The following LEMD3 variants were observed in gnomAD, a reference collection of about 807,000 sequenced individuals.
LEMD3 encodes the protein inner nuclear membrane protein Man1.
LEMD3 carries 33 observed loss-of-function variants against 95.2 expected under a neutral mutation model. The observed-to-expected ratio is 0.35, with a 90% CI of 0.26 to 0.46. The LOEUF (loss-of-function observed/expected upper bound fraction) is 0.46. LEMD3 is among the 20% of genes least tolerant of loss of function. The probability of loss-of-function intolerance (pLI) is 1.00; values close to 1 mark genes in which losing one functional copy is unlikely to be tolerated. For synonymous variants in LEMD3, 525 were observed against 474.6 expected (o/e 1.11, Z -1.38); for missense variants, 1,210 against 1,192.8 (o/e 1.01, Z -0.21).
chr12:65,213,451 T>G (rs894286568), intron 2 of LEMD3, among the ~76,000 whole-genome samples: 28 of 152,150 alleles, frequency 1.8e-4, no homozygotes, highest in African/African-American at 6.8e-4. Flanking sequence ...GGTCTCAAAT[T>G]CCTGAGCTCA....
chr12:65,181,351 C>T (rs1202452964), intron 1 of LEMD3, among the ~76,000 whole-genome samples: 2 of 152,118 alleles, frequency 1.3e-5, no homozygotes, highest in Non-Finnish European at 2.9e-5. Flanking sequence ...TTATTGAGCA[C>T]CTATACTATG....
chr12:65,203,270 G>A (rs985176669), intron 1 of LEMD3, among the ~76,000 whole-genome samples: 1 of 137,796 alleles, frequency 7.3e-6, no homozygotes, highest in African/African-American at 2.6e-5. Context: ...CATGCTTAGC[G>A]TTCCAATAAT....
At position 65,239,958 on chromosome 12, in the gene LEMD3, T is replaced by G. The variant is rs777566184; in HGVS notation, c.1951T>G (p.Tyr651Asp). The change falls in exon 7 of 13, where the codon TAC becomes GAC. Residue 651 changes from tyrosine to aspartate, a missense_variant. This residue lies in a region of LEMD3 where 461 missense variants were observed against 569.8 expected (regional missense o/e 0.81). Coordinates refer to ENST00000308330, the MANE Select transcript of LEMD3 (RefSeq NM_014319.5). Reference sequence around the variant, plus strand: ...AGTGATGGTTTGTGTCGTTCTGCGTTACATGAAATATCGATGGACAAAAGA... The same window carrying G: ...AGTGATGGTTTGTGTCGTTCTGCGTGACATGAAATATCGATGGACAAAAGA... ...GVVMVCVVLR[Y>D]MKYRWTKEEE... is the part of the protein sequence containing the mutation. 6.2e-7 allele frequency: 1 copy of G among 1,612,050 alleles called. No homozygotes were observed. Among genetic ancestry groups the G allele is most frequent in the Non-Finnish European group, 8.5e-7 (1 of 1,178,250 alleles).
intron 1 of LEMD3, among the ~76,000 whole-genome samples, chr12:65,185,889 A>AT (rs1869045744): frequency 6.6e-6 from 1 of 151,960 alleles, no homozygotes; most frequent in Non-Finnish European, 1.5e-5. Flanking sequence ...AGGCATTATA[A>AT]AAGACTTGGG....
chr12:65,213,587 CTTAAG>C (rs1266125627), intron 2 of LEMD3, among the ~76,000 whole-genome samples: 25 of 152,236 alleles, frequency 1.6e-4, no homozygotes, highest in Non-Finnish European at 2.2e-4. Context: ...TTTCTGAGTT[CTTAAG>C]TTATTTGTAT....
At chr12:65,193,637 G>T (rs1438025316) in intron 1 of LEMD3, among the ~76,000 whole-genome samples, 2 of 152,058 alleles carry the variant, frequency 1.3e-5, no homozygotes, top group African/African-American at 4.8e-5. Flanking sequence ...TGTTTACTGG[G>T]AGACTGCGGA....
At chr12:65,171,174 T>A in intron 1 of LEMD3, 56 bp downstream of exon 1, 1 of 1,600,242 alleles carries the variant, frequency 6.2e-7, no homozygotes, top group Non-Finnish European at 8.5e-7. Context: ...AGTGGTCCGC[T>A]TTAGCCGCGC....
At chr12:65,214,219 C>T (rs1452119649) in intron 2 of LEMD3, among the ~76,000 whole-genome samples, 1 of 152,100 alleles carries the variant, frequency 6.6e-6, no homozygotes, top group Non-Finnish European at 1.5e-5. Context: ...TGCATGCCAC[C>T]ACGCTCAGCT....
Position 65,169,935 on chromosome 12 carries a change from TGGCCCAGAGAGCCTCCTGGGAG to T in LEMD3, c.345_366del (p.Glu116GlyfsTer60). 6.9e-7 allele frequency: 1 copy of T among 1,448,310 alleles called. No individual in the cohort carries two copies. Among genetic ancestry groups the T allele is most frequent in the African/African-American group, 1.5e-5 (1 of 67,190 alleles). 89.7% of individuals were successfully genotyped at this position (1,448,310 alleles called of 1,614,324 possible). A position where few individuals can be genotyped will look rare whatever the true frequency, so the allele number is the denominator to read the frequency against. On this transcript the variant is annotated frameshift_variant, in exon 1 of 13. Transcript: ENST00000308330. LOFTEE classifies it high-confidence loss of function. ...GGGGCCTGTGCCGAATCTCGGCCTC[TGGCCCAGAGAGCCTCCTGGGAG>T]GGCCCGGGGGCGCCTCCGCCGCCCC...
At chr12:65,229,689 G>T (rs1870564894) in intron 4 of LEMD3, among the ~76,000 whole-genome samples, 1 of 152,092 alleles carries the variant, frequency 6.6e-6, no homozygotes, top group Non-Finnish European at 1.5e-5. Context: ...TCTTTTAAGA[G>T]ATGTCTGCTA....
chr12:65,180,969 T>C (rs1254788268), intron 1 of LEMD3, among the ~76,000 whole-genome samples: 3 of 143,012 alleles, frequency 2.1e-5, no homozygotes, highest in African/African-American at 9.1e-5. Context: ...TTAGCTCATA[T>C]ATATCTGAGT....
At chr12:65,240,866 A>G in intron 8 of LEMD3, 43 bp from the exon 9 acceptor site, 6 of 1,554,098 alleles carry the variant, frequency 3.9e-6, no homozygotes, top group Non-Finnish European at 5.3e-6. Flanking sequence ...AAAAGATGAC[A>G]AGCCAAGATG....
At chr12:65,224,832 C>T (rs903491983) in intron 4 of LEMD3, among the ~76,000 whole-genome samples, 2 of 151,858 alleles carry the variant, frequency 1.3e-5, no homozygotes, top group East Asian at 1.9e-4. Flanking sequence ...TTTTGTTTTG[C>T]CTGTTTCTTT....
chr12:65,238,063 G>A lies in LEMD3; in HGVS notation c.1696-439G>A, dbSNP rs1870822486. Among the ~76,000 whole-genome samples the A allele has an allele frequency of 2.6e-5, 4 of 152,294 alleles. No homozygotes were observed. The South Asian group carries it at 8.3e-4, about 32-fold the overall frequency. ...GCTGGCGGATCACTTGAGGTCAGGAGTTTAAGTCCAGCCTGGCCAGCATGG... is the reference window on the plus strand; with the variant it reads ...GCTGGCGGATCACTTGAGGTCAGGAATTTAAGTCCAGCCTGGCCAGCATGG... On this transcript the variant is annotated intron_variant, in intron 4 of 12. Coordinates refer to ENST00000308330, the MANE Select transcript of LEMD3 (RefSeq NM_014319.5).
intron 4 of LEMD3, among the ~76,000 whole-genome samples, chr12:65,236,861 G>T (rs1408822338): frequency 6.6e-6 from 1 of 151,926 alleles, no homozygotes; most frequent in African/African-American, 2.4e-5. Flanking sequence ...ACAATATTTT[G>T]TTCCATGAAG....
At position 65,238,509 on chromosome 12, in the gene LEMD3, G is replaced by T; in HGVS notation, c.1703G>T (p.Gly568Val). The change falls in exon 5 of 13, where the codon GGT (glycine) becomes GTT (valine). Residue 568 changes from glycine to valine, a missense_variant. Gly to Val is a moderately radical substitution (Grantham distance 109). Transcript: ENST00000308330. ...QEAAAYLKDLGPEYEGIFNTS... is the reference protein window; with the variant it reads ...QEAAAYLKDLVPEYEGIFNTS... ...CTCTATTTTTCTTGTTAGGATTTAGGTCCTGAATATGAAGGTATATTTAAC... is the reference window on the plus strand; with the variant it reads ...CTCTATTTTTCTTGTTAGGATTTAGTTCCTGAATATGAAGGTATATTTAAC... 1 of 1,592,720 alleles carries T rather than the reference G, an allele frequency of 6.3e-7. No individual in the cohort carries two copies. The highest frequency in any genetic ancestry group is 8.6e-7 in the Non-Finnish European group (1 of 1,160,816).
intron 4 of LEMD3, among the ~76,000 whole-genome samples, chr12:65,219,799 C>T (rs1870229785): frequency 6.6e-6 from 1 of 152,130 alleles, no homozygotes; most frequent in African/African-American, 2.4e-5. Flanking sequence ...AAGTTGAATC[C>T]TGCAATTTTT....
intron 1 of LEMD3, among the ~76,000 whole-genome samples, chr12:65,175,310 C>G (rs1592428177): frequency 6.6e-6 from 1 of 152,106 alleles, no homozygotes; most frequent in Admixed American, 6.6e-5. Context: ...CCACTAGTCC[C>G]TTTCTCATCC....
rs113887134 is a variant in LEMD3 at position 65,221,369 on chromosome 12, G to A, written c.1695+2750G>A. Among the ~76,000 whole-genome samples the A allele has an allele frequency of 3.8e-3, 573 of 152,022 alleles. 4 individuals carry two copies. Among genetic ancestry groups the A allele is most frequent in the African/African-American group, 0.013 (549 of 41,466 alleles). On this transcript the variant is annotated intron_variant, in intron 4 of 12. Transcript: ENST00000308330. ...TATTGATTTTATATCTTCCAACTTA[G>A]CTGAATTTGTTTATTCTAACAAGAT...
Sources: allele counts gnomAD v4.1 joint callset (sites outside exome capture counted in the v4.1 genomes callset), GRCh38; gene constraint gnomAD v4.1.1; regional missense constraint gnomAD v4.1.1; transcripts MANE v1.5; gene names NCBI Gene and HGNC (gene_info 2026-07-23, HGNC 2026-07-21).